The following PCDH15 variants were observed in gnomAD, a reference collection of about 807,000 sequenced individuals.
PCDH15 encodes protocadherin related 15, also known as protocadherin-15.
PCDH15 carries 129 observed loss-of-function variants against 178.5 expected under a neutral mutation model. The ratio of observed to expected loss-of-function variants is 0.72; its 90% CI spans 0.63 to 0.84. PCDH15 has a LOEUF of 0.84. Among genes scored for constraint, PCDH15 ranks in the 40% least tolerant of loss-of-function variants. The pLI, the probability that PCDH15 is intolerant of heterozygous loss-of-function variation, is 0.00. For synonymous variants in PCDH15, 800 were observed against 732.0 expected (o/e 1.09, Z -1.50); for missense variants, 2,230 against 2,099.9 (o/e 1.06, Z -1.21).
At chr10:55,524,045 G>A (rs1488375873) in intron 2 of PCDH15, among the ~76,000 whole-genome samples, 1 of 145,234 alleles carries the variant, frequency 6.9e-6, no homozygotes, top group African/African-American at 2.5e-5. Context: ...GAAAACTGGC[G>A]TACATGTAAA....
intron 21 of PCDH15, among the ~76,000 whole-genome samples, chr10:53,982,354 T>C (rs1327740300): frequency 6.6e-6 from 1 of 152,116 alleles, no homozygotes; most frequent in African/African-American, 2.4e-5. Flanking sequence ...CATTCTGCTA[T>C]AAAGACACAT....
At chr10:54,472,933 C>A (rs925772028) in intron 3 of PCDH15, among the ~76,000 whole-genome samples, 1 of 152,090 alleles carries the variant, frequency 6.6e-6, no homozygotes, top group Admixed American at 6.6e-5. Flanking sequence ...TTAAAATAAA[C>A]TCTTCTATAA....
intron 2 of PCDH15, among the ~76,000 whole-genome samples, chr10:55,440,353 C>A (rs1257261733): frequency 2.0e-5 from 3 of 152,104 alleles, no homozygotes; most frequent in Non-Finnish European, 2.9e-5. Flanking sequence ...CAAAACAAAT[C>A]ATGTGGACGA....
At chr10:55,159,198 A>T (rs16915146) in intron 2 of PCDH15, among the ~76,000 whole-genome samples, 9,140 of 151,490 alleles carry the variant, frequency 0.06, 675 homozygotes, top group East Asian at 0.21. Context: ...CACCACTCAT[A>T]AAAAAAATTA....
At chr10:55,568,695 T>C (rs929801292) in intron 2 of PCDH15, among the ~76,000 whole-genome samples, 4 of 152,036 alleles carry the variant, frequency 2.6e-5, no homozygotes, top group African/African-American at 9.7e-5. Context: ...ATAGTTAATT[T>C]AATGCCACTT....
chr10:54,963,807 A>G (rs1393366250), intron 2 of PCDH15, among the ~76,000 whole-genome samples: 6 of 152,296 alleles, frequency 3.9e-5, no homozygotes, highest in African/African-American at 7.2e-5. Flanking sequence ...AAATGCCCCA[A>G]TACAATTCCA....
chr10:54,976,759 T>C (rs1251858596), intron 2 of PCDH15, among the ~76,000 whole-genome samples: 1 of 152,178 alleles, frequency 6.6e-6, no homozygotes, highest in African/African-American at 2.4e-5. Context: ...GAACTTAGAT[T>C]CCTTGCATAA....
At chr10:55,481,157 G>T (rs1177201507) in intron 2 of PCDH15, among the ~76,000 whole-genome samples, 1 of 151,712 alleles carries the variant, frequency 6.6e-6, no homozygotes, top group Non-Finnish European at 1.5e-5. Context: ...ATGGTTGTTT[G>T]TATTTCTGTG....
intron 3 of PCDH15, among the ~76,000 whole-genome samples, chr10:54,861,636 C>T (rs1953845310): frequency 6.6e-6 from 1 of 152,122 alleles, no homozygotes; most frequent in Non-Finnish European, 1.5e-5. Context: ...AAGAACTGAA[C>T]AACACAAAGA....
intron 1 of PCDH15, among the ~76,000 whole-genome samples, chr10:54,673,925 A>G (rs1348678571): frequency 1.3e-5 from 2 of 152,148 alleles, no homozygotes; most frequent in East Asian, 3.9e-4. Flanking sequence ...GTGTACTTTA[A>G]TACTTTGCCA....
At chr10:55,424,040 A>G (rs188744819) in intron 2 of PCDH15, among the ~76,000 whole-genome samples, 66 of 152,200 alleles carry the variant, frequency 4.3e-4, no homozygotes, top group Admixed American at 4.2e-3. Context: ...ATCTCAAACT[A>G]TTTTGTCCAG....
chr10:55,456,194 C>T (rs10825520), intron 2 of PCDH15, among the ~76,000 whole-genome samples: 116,334 of 151,918 alleles, frequency 0.77, 45,881 homozygotes, highest in East Asian at 0.99. Context: ...TGCTTTTTGG[C>T]AAACAAAAAA....
At chr10:53,923,244 GTAA>G (rs1261995670) in intron 25 of PCDH15, among the ~76,000 whole-genome samples, 4 of 152,148 alleles carry the variant, frequency 2.6e-5, no homozygotes, top group Admixed American at 2.0e-4. Context: ...CTGCTTGTCT[GTAA>G]TTATTTTTAA....
chr10:54,636,400 G>A (rs1204700749), intron 2 of PCDH15, among the ~76,000 whole-genome samples: 7 of 151,880 alleles, frequency 4.6e-5, no homozygotes, highest in Admixed American at 3.3e-4. Context: ...AGCCAATCTT[G>A]TAAGCAGATG....
intron 1 of PCDH15, among the ~76,000 whole-genome samples, chr10:55,208,096 T>C (rs965709827): frequency 6.6e-6 from 1 of 152,174 alleles, no homozygotes; most frequent in South Asian, 2.1e-4. Flanking sequence ...TTTTGCTTAC[T>C]TTCTTGGCAG....
At chr10:55,033,474 A>G (rs1398347284) in intron 2 of PCDH15, among the ~76,000 whole-genome samples, 1 of 151,686 alleles carries the variant, frequency 6.6e-6, no homozygotes, top group Non-Finnish European at 1.5e-5. Flanking sequence ...TGTGTTTTGG[A>G]CTCACTTGGG....
At chr10:54,161,745 T>C (rs1341785988) in intron 13 of PCDH15, among the ~76,000 whole-genome samples, 2 of 152,066 alleles carry the variant, frequency 1.3e-5, no homozygotes, top group Non-Finnish European at 2.9e-5. Flanking sequence ...AGACCTCTCA[T>C]CCATGGATTA....
At chr10:55,156,145 T>G (rs1270883020) in intron 2 of PCDH15, among the ~76,000 whole-genome samples, 1 of 152,176 alleles carries the variant, frequency 6.6e-6, no homozygotes, top group Non-Finnish European at 1.5e-5. Flanking sequence ...GCAAAATGTA[T>G]GTATGGATAA....
Position 53,938,803 on chromosome 10 carries a change from A to C in PCDH15, c.3373+12T>G, listed in dbSNP as rs2085797954. ...TACAATTCTGGTAAAAGCTTTAAGT[A>C]GTATAACTTACTTTTTGAAGGAACT... is the stretch of plus-strand genomic sequence containing the variant. On this transcript the variant is annotated intron_variant, in intron 25 of 37. Transcript: ENST00000644397. 3.1e-6 allele frequency: 5 copies of C among 1,611,840 alleles called. No homozygotes were observed.
Sources: allele counts gnomAD v4.1 joint callset (sites outside exome capture counted in the v4.1 genomes callset), GRCh38; gene constraint gnomAD v4.1.1; transcripts MANE v1.5; gene names NCBI Gene and HGNC (gene_info 2026-07-23, HGNC 2026-07-21).